The following IL24 variants were observed in gnomAD, a reference collection of about 807,000 sequenced individuals.
IL24 encodes the protein interleukin 24, also known as interleukin-24.
Under a neutral mutation model 27.6 loss-of-function variants are expected in IL24, and 24 were observed. The observed-to-expected ratio is 0.87, with a 90% confidence interval of 0.63 to 1.22. The LOEUF (loss-of-function observed/expected upper bound fraction) is 1.22. Among genes scored for constraint, IL24 ranks in the 50% most tolerant of loss-of-function variants. IL24 has a pLI of 0.00. For missense variants in IL24, 240 were observed against 237.0 expected (o/e 1.01, Z -0.08); for synonymous variants, 99 against 93.1 (o/e 1.06, Z -0.36).
At chr1:206,899,076 C>T (rs291108) in intron 2 of IL24, among the ~76,000 whole-genome samples, 29 of 152,176 alleles carry the variant, frequency 1.9e-4, no homozygotes, top group African/African-American at 6.5e-4. Context: ...TGGGTGTGGA[C>T]GGGCAAGGTG....
At chr1:206,899,788 G>A (rs1150256) in intron 3 of IL24, among the ~76,000 whole-genome samples, 60,289 of 151,864 alleles carry the variant, frequency 0.4, 12,527 homozygotes, top group Middle Eastern at 0.51. Context: ...TCCAGGCTTC[G>A]TCCCGAATAG....
chr1:206,898,333 G>A (rs573573871), intron 2 of IL24, among the ~76,000 whole-genome samples: 29 of 152,162 alleles, frequency 1.9e-4, no homozygotes, highest in Admixed American at 1.3e-3. Flanking sequence ...TCTTCCTCCC[G>A]GTGTAGGGGT....
At position 206,899,338 on chromosome 1, in the gene IL24, G is replaced by A. The variant is rs752308267; in HGVS notation, c.63G>A (p.Leu21=). Reference sequence around the variant, plus strand: ...TCAGCAGACCCTTCTGCCCTCCTTTGCTGGCGACAGCCTCTCAAATGCAGA... The same window carrying A: ...TCAGCAGACCCTTCTGCCCTCCTTTACTGGCGACAGCCTCTCAAATGCAGA... The part of the protein sequence containing the change: ...WTLARPFCPP[L]LATASQMQMV... The change falls in exon 3 of 7, where the codon TTG becomes TTA. Residue 21 remains leucine (L), a synonymous_variant. Transcript: ENST00000294984. The A allele has an allele frequency of 1.4e-5, 22 of 1,613,882 alleles. No individual in the cohort carries two copies. The highest frequency in any genetic ancestry group is 1.9e-5 in the Non-Finnish European group (22 of 1,179,954).
Position 206,901,986 on chromosome 1 carries a change from C to T in IL24, c.463-12C>T. The T allele has an allele frequency of 1.9e-6, 3 of 1,613,560 alleles. No individual in the cohort carries two copies. The highest frequency in any genetic ancestry group is 2.5e-6 in the Non-Finnish European group (3 of 1,179,630). Reference sequence around the variant, plus strand: ...TAAAAATTGGCACAACTTCTTTTCCCATGTTATGTAGCAAGAAAATGAGAT... The same window carrying T: ...TAAAAATTGGCACAACTTCTTTTCCTATGTTATGTAGCAAGAAAATGAGAT... On this transcript the variant is annotated splice_polypyrimidine_tract_variant and intron_variant, in intron 5 of 6. Coordinates refer to ENST00000294984, the MANE Select transcript of IL24 (RefSeq NM_006850.3).
intron 4 of IL24, 125 bp from the exon 5 acceptor site, chr1:206,901,369 A>G: frequency 1.8e-6 from 2 of 1,104,720 alleles, no homozygotes; most frequent in Non-Finnish European, 2.5e-6. Flanking sequence ...AAGGTTCATC[A>G]TCACCTTCTA....
rs1224316256 is a variant in IL24 at position 206,903,868 on chromosome 1, C to G, written c.*809C>G. On this transcript the variant is annotated 3_prime_UTR_variant, in exon 7 of 7. Transcript: ENST00000294984. ...TAATAAAAGACAACATAACTCAAGT[C>G]TGGCAGACTTTCTTCTCTATTTCTG... 2 of 152,334 alleles carry G rather than the reference C, an allele frequency of 1.3e-5. No homozygotes were observed. Among genetic ancestry groups the G allele is most frequent in the African/African-American group, 4.8e-5 (2 of 41,434 alleles). 9.4% of individuals were successfully genotyped at this position (152,334 alleles called of 1,614,324 possible).
At chr1:206,898,226 G>A (rs1010520827) in intron 2 of IL24, among the ~76,000 whole-genome samples, 3 of 150,516 alleles carry the variant, frequency 2.0e-5, no homozygotes, top group African/African-American at 7.4e-5. Flanking sequence ...AAGACATTGA[G>A]GGAGATGCTA....
rs143670252 is a variant in IL24 at position 206,903,323 on chromosome 1, C to G, written c.*264C>G. ...TATTTAATTAATGTCAGTATTTCAA[C>G]TGAAGTTCTATTTATTTGTGAGACT... is the stretch of plus-strand genomic sequence containing the variant. On this transcript the variant is annotated 3_prime_UTR_variant, in exon 7 of 7. Transcript: ENST00000294984. The G allele has an allele frequency of 5.9e-4, 231 of 388,448 alleles. 2 individuals are homozygous for G. The East Asian group carries it at 0.011, about 18-fold the overall frequency. The allele number at this position is 388,448 out of a possible 1,614,324, so 24.1% of individuals were successfully genotyped here.
intron 4 of IL24, among the ~76,000 whole-genome samples, chr1:206,900,822 A>G (rs1678349673): frequency 6.6e-6 from 1 of 152,180 alleles, no homozygotes; most frequent in Non-Finnish European, 1.5e-5. Context: ...CCTAACCTGG[A>G]GACATCTTTT....
At chr1:206,897,638 TA>T in intron 1 of IL24, 23 bp downstream of exon 1, 1 of 472,318 alleles carries the variant, frequency 2.1e-6, no homozygotes. Flanking sequence ...GATTCTTGGT[TA>T]CTTTTTTTTG....
chr1:206,901,597 C>T lies in IL24; in HGVS notation c.407C>T (p.Ser136Leu), dbSNP rs1431427014. 6.2e-7 allele frequency: 1 copy of T among 1,614,102 alleles called. No individual in the cohort carries two copies. Among genetic ancestry groups the T allele is most frequent in the African/African-American group, 1.3e-5 (1 of 74,946 alleles). ...ACAGTTGAAGTCAGGACTCTGAAGT[C>T]ATTCTCTACTCTGGCCAACAACTTT... ...NRTVEVRTLK[S>L]FSTLANNFVL... Residue 136 changes from serine to leucine, a missense_variant, in exon 5 of 7, where the codon TCA (serine) becomes TTA (leucine). Ser to Leu is a moderately radical substitution (Grantham distance 145). Transcript: ENST00000294984.
In IL24 at chr1:206,897,480, C is replaced by T. The variant is rs533159242; in HGVS notation, c.-238C>T. The T allele has an allele frequency of 5.1e-4, 87 of 170,432 alleles. No homozygotes were observed. Among genetic ancestry groups the T allele is most frequent in the Admixed American group, 1.4e-3 (22 of 15,816 alleles). The allele number at this position is 170,432 out of a possible 1,614,324, so 10.6% of individuals were successfully genotyped here. On this transcript the variant is annotated 5_prime_UTR_variant, in exon 1 of 7. In the 5' UTR this introduces an upstream ATG that the reference lacks. Coordinates refer to ENST00000294984, the MANE Select transcript of IL24 (RefSeq NM_006850.3). ...ACCTTTACTTCTGAAATGACTTCCACGGCTGGGACGGGAACCTTCCACCCA... is the reference window on the plus strand; with the variant it reads ...ACCTTTACTTCTGAAATGACTTCCATGGCTGGGACGGGAACCTTCCACCCA...
chr1:206,898,452 C>A (rs371247679), intron 2 of IL24, among the ~76,000 whole-genome samples: 4 of 144,956 alleles, frequency 2.8e-5, no homozygotes, highest in East Asian at 4.0e-4. Flanking sequence ...AGGGAGGGAG[C>A]GAGAGAGGAA....
chr1:206,902,123 C>A (rs1678414919), intron 6 of IL24, 51 bp downstream of exon 6: 1 of 1,608,114 alleles, frequency 6.2e-7, no homozygotes, highest in Non-Finnish European at 8.5e-7. Context: ...GACTAGTCTG[C>A]ACCATCACAC....
chr1:206,902,093 C>A, intron 6 of IL24, 21 bp downstream of exon 6: 1 of 1,613,802 alleles, frequency 6.2e-7, no homozygotes, highest in South Asian at 1.1e-5. Context: ...GAGCTGAGAG[C>A]TTGCCCATCC....
chr1:206,902,431 T>C (rs887771440), intron 6 of IL24: 5 of 646,566 alleles, frequency 7.7e-6, no homozygotes, highest in Non-Finnish European at 9.2e-6. Flanking sequence ...ATCTGCAGTA[T>C]TTTCCATGAT....
chr1:206,899,258 C>T, intron 2 of IL24, 62 bp from the exon 3 acceptor site: 1 of 1,540,752 alleles, frequency 6.5e-7, no homozygotes, highest in East Asian at 2.3e-5. Context: ...AGCATTTTCC[C>T]AGGGCATGTA....
chr1:206,901,167 GT>G (rs1678360544), intron 4 of IL24, among the ~76,000 whole-genome samples: 1 of 152,130 alleles, frequency 6.6e-6, no homozygotes, highest in African/African-American at 2.4e-5. Flanking sequence ...CCCCATAGCT[GT>G]TAAAGAGGCC....
At chr1:206,899,265 T>C (rs887038937) in intron 2 of IL24, 55 bp from the exon 3 acceptor site, 16 of 1,564,554 alleles carry the variant, frequency 1.0e-5, no homozygotes, top group African/African-American at 8.1e-5. Context: ...TCCCAGGGCA[T>C]GTAACTCTGG....
Sources: gnomAD v4.1 joint callset for allele counts (sites outside exome capture counted in the v4.1 genomes callset) on GRCh38, gnomAD v4.1.1 for gene constraint, MANE v1.5 for transcripts, NCBI Gene and HGNC (gene_info 2026-07-23, HGNC 2026-07-21) for gene names.